Variants in HAPLN1 observed in about 807,000 individuals in gnomAD.
The protein encoded by HAPLN1 is hyaluronan and proteoglycan link protein 1, also known as Cartilage link protein.
In HAPLN1, 13 loss-of-function variants were observed where a neutral mutation model predicts 36.5. That is an observed-to-expected ratio of 0.36 (90% CI 0.23 to 0.57). The LOEUF is 0.57. Among genes scored for constraint, HAPLN1 ranks in the 20% least tolerant of loss-of-function variants. HAPLN1 has a pLI of 0.83. For synonymous variants in HAPLN1, 202 were observed against 169.8 expected (o/e 1.19, Z -1.48); for missense variants, 407 against 439.7 (o/e 0.93, Z 0.66).
At chr5:83,701,602 A>G (rs1561322562) in intron 1 of HAPLN1, among the ~76,000 whole-genome samples, 1 of 152,242 alleles carries the variant, frequency 6.6e-6, no homozygotes, top group East Asian at 1.9e-4. Context: ...CACTATAAAT[A>G]AATAAAAGAC....
intron 1 of HAPLN1, among the ~76,000 whole-genome samples, chr5:83,715,010 T>C (rs922690900): frequency 6.6e-6 from 1 of 152,172 alleles, no homozygotes; most frequent in Non-Finnish European, 1.5e-5. Context: ...AAGGAGCCAG[T>C]AGTTAACATG....
Position 83,638,919 on chromosome 5 carries a change from A to T in HAPLN1, c.*2577T>A, listed in dbSNP as rs926767447. 1.3e-5 allele frequency: 2 copies of T among 151,882 alleles called. No homozygotes were observed. Among genetic ancestry groups the T allele is most frequent in the Admixed American group, 6.6e-5 (1 of 15,240 alleles). The allele number at this position is 151,882 out of a possible 1,614,324, so 9.4% of individuals were successfully genotyped here. A position where few individuals can be genotyped will look rare whatever the true frequency, so the allele number is the denominator to read the frequency against. Reference sequence around the variant, plus strand: ...AATGTGCAGATATACTTTGTTCCTTATATGGTCACCAGTGTTAATTATGGA... The same window carrying T: ...AATGTGCAGATATACTTTGTTCCTTTTATGGTCACCAGTGTTAATTATGGA... On this transcript the variant is annotated 3_prime_UTR_variant, in exon 5 of 5. Coordinates refer to ENST00000274341, the MANE Select transcript of HAPLN1 (RefSeq NM_001884.4).
At chr5:83,648,304 G>T (rs10474109) in intron 3 of HAPLN1, among the ~76,000 whole-genome samples, 3 of 146,700 alleles carry the variant, frequency 2.0e-5, no homozygotes, top group African/African-American at 7.5e-5. Context: ...TGTCAGTATG[G>T]TTATATGGAC....
intron 1 of HAPLN1, among the ~76,000 whole-genome samples, chr5:83,689,021 A>T (rs1751209480): frequency 6.6e-6 from 1 of 152,158 alleles, no homozygotes; most frequent in Non-Finnish European, 1.5e-5. Context: ...TTGTATTTGC[A>T]CAGGCAAAAT....
chr5:83,656,939 A>G (rs1253650513), intron 2 of HAPLN1, among the ~76,000 whole-genome samples: 1 of 152,168 alleles, frequency 6.6e-6, no homozygotes, highest in Non-Finnish European at 1.5e-5. Flanking sequence ...ACAACTGGAG[A>G]AAAACAATTT....
At chr5:83,702,722 CT>C (rs1043624274) in intron 1 of HAPLN1, among the ~76,000 whole-genome samples, 24 of 137,352 alleles carry the variant, frequency 1.7e-4, no homozygotes, top group South Asian at 6.8e-4. Context: ...AATATGCCCT[CT>C]TTTTTTTTCC....
rs1344898027 is a variant in HAPLN1 at position 83,660,615 on chromosome 5, TA to T, written c.101-7792del. 2.0e-5 allele frequency among the ~76,000 whole-genome samples: 3 copies of T among 151,870 alleles called. No homozygotes were observed. In the East Asian group the frequency reaches 5.8e-4, roughly 29 times the overall value. ...CTGTCTCCTCTTAATTCTCTTTTCT[TA>T]ATCTTTTTTTTCTAGCAGGAAGAAG... On this transcript the variant is annotated intron_variant, in intron 2 of 4. Transcript: ENST00000274341.
chr5:83,690,337 C>A (rs1751242409), intron 1 of HAPLN1, among the ~76,000 whole-genome samples: 1 of 151,962 alleles, frequency 6.6e-6, no homozygotes, highest in South Asian at 2.1e-4. Context: ...TCATAAAAGC[C>A]AAAGTTACAG....
chr5:83,686,612 T>C (rs1231094159), intron 1 of HAPLN1, among the ~76,000 whole-genome samples: 1 of 152,204 alleles, frequency 6.6e-6, no homozygotes, highest in Non-Finnish European at 1.5e-5. Flanking sequence ...TTCATTCTGC[T>C]AATGCTGACT....
At chr5:83,664,151 C>T (rs1446651537) in intron 2 of HAPLN1, among the ~76,000 whole-genome samples, 5 of 152,116 alleles carry the variant, frequency 3.3e-5, no homozygotes, top group South Asian at 4.1e-4. Flanking sequence ...GGGCTTCTTT[C>T]GGTTTGAAAG....
chr5:83,644,939 G>C (rs972603970), intron 3 of HAPLN1, among the ~76,000 whole-genome samples: 14 of 152,142 alleles, frequency 9.2e-5, no homozygotes, highest in Admixed American at 2.6e-4. Flanking sequence ...TTTCTGAAGA[G>C]ATCTGTCTAC....
At chr5:83,719,287 GA>G (rs1185692632) in intron 1 of HAPLN1, among the ~76,000 whole-genome samples, 1 of 152,186 alleles carries the variant, frequency 6.6e-6, no homozygotes, top group East Asian at 1.9e-4. Context: ...TTCCTGTCGA[GA>G]ATACTGGCCT....
At chr5:83,674,626 C>T (rs947944197) in intron 1 of HAPLN1, 3 of 152,222 alleles carry the variant, frequency 2.0e-5, no homozygotes, top group African/African-American at 7.2e-5. Context: ...TTCTATTTCT[C>T]TCATGCACAC....
chr5:83,706,653 C>T (rs1751660527), intron 1 of HAPLN1, among the ~76,000 whole-genome samples: 1 of 152,156 alleles, frequency 6.6e-6, no homozygotes, highest in Non-Finnish European at 1.5e-5. Flanking sequence ...TGGAAGCATT[C>T]CCTTTGAAAA....
chr5:83,638,895 A>G lies in HAPLN1; in HGVS notation c.*2601T>C, dbSNP rs1749598704. On this transcript the variant is annotated 3_prime_UTR_variant, in exon 5 of 5. Transcript: ENST00000274341. ...TTTCCAATGTAGATGTCTCAGTGAA[A>G]TGTGCAGATATACTTTGTTCCTTAT... The G allele has an allele frequency of 1.3e-5, 2 of 151,956 alleles. No homozygotes were observed. Among genetic ancestry groups the G allele is most frequent in the African/African-American group, 2.4e-5 (1 of 41,398 alleles). The allele number at this position is 151,956 out of a possible 1,614,324, so 9.4% of individuals were successfully genotyped here. A position where few individuals can be genotyped will look rare whatever the true frequency, so the allele number is the denominator to read the frequency against.
At chr5:83,693,320 A>G (rs2112622136) in intron 1 of HAPLN1, among the ~76,000 whole-genome samples, 1 of 152,050 alleles carries the variant, frequency 6.6e-6, no homozygotes, top group South Asian at 2.1e-4. Flanking sequence ...GCCAGTAGAA[A>G]TGTAAACAAA....
intron 1 of HAPLN1, among the ~76,000 whole-genome samples, chr5:83,701,930 ACAC>A (rs1245402989): frequency 6.7e-5 from 4 of 59,460 alleles, no homozygotes; most frequent in East Asian, 8.5e-4. Flanking sequence ...CGACAAAAAC[ACAC>A]ACACACACAC....
At chr5:83,699,314 T>C (rs1751455876) in intron 1 of HAPLN1, among the ~76,000 whole-genome samples, 1 of 152,354 alleles carries the variant, frequency 6.6e-6, no homozygotes, top group South Asian at 2.1e-4. Flanking sequence ...GCAATGTACA[T>C]AGTGGCTGCT....
At chr5:83,704,990 C>T (rs918902423) in intron 1 of HAPLN1, among the ~76,000 whole-genome samples, 22 of 152,192 alleles carry the variant, frequency 1.4e-4, no homozygotes, top group Non-Finnish European at 2.9e-5. Context: ...TTCTAAAACT[C>T]AGCCAATAAT....
Sources: allele counts gnomAD v4.1 joint callset (sites outside exome capture counted in the v4.1 genomes callset), GRCh38; gene constraint gnomAD v4.1.1; transcripts MANE v1.5; gene names NCBI Gene and HGNC (gene_info 2026-07-23, HGNC 2026-07-21).